The following LPP variants were observed in gnomAD, a reference collection of about 807,000 sequenced individuals.
LPP encodes the protein lipoma-preferred partner.
In LPP, 38 loss-of-function variants were observed where a neutral mutation model predicts 60.4. The ratio of observed to expected loss-of-function variants is 0.63; its 90% CI spans 0.49 to 0.83. The LOEUF (loss-of-function observed/expected upper bound fraction) is 0.83. Among genes scored for constraint, LPP ranks in the 40% least tolerant of loss-of-function variants. The probability of loss-of-function intolerance (pLI) is 0.00; values close to 1 mark genes in which losing one functional copy is unlikely to be tolerated. For synonymous variants in LPP, 328 were observed against 290.8 expected (o/e 1.13, Z -1.30); for missense variants, 902 against 783.6 (o/e 1.15, Z -1.80).
At chr3:188,574,546 G>A (rs1834174980) in intron 6 of LPP, among the ~76,000 whole-genome samples, 1 of 152,092 alleles carries the variant, frequency 6.6e-6, no homozygotes, top group Non-Finnish European at 1.5e-5. Context: ...ATCTCTTCCT[G>A]CCTCAGCATT....
At chr3:188,588,127 C>T (rs1040096134) in intron 6 of LPP, among the ~76,000 whole-genome samples, 8 of 152,134 alleles carry the variant, frequency 5.3e-5, no homozygotes, top group African/African-American at 1.9e-4. Flanking sequence ...AACTGAGATC[C>T]TATGTGGATA....
intron 8 of LPP, among the ~76,000 whole-genome samples, chr3:188,755,709 CT>C (rs1310190555): frequency 2.7e-5 from 4 of 150,854 alleles, no homozygotes; most frequent in African/African-American, 9.7e-5. Flanking sequence ...GTGGCAAGGG[CT>C]GAGGGAGGAG....
intron 9 of LPP, among the ~76,000 whole-genome samples, chr3:188,855,706 C>T (rs1042669276): frequency 6.6e-6 from 1 of 152,182 alleles, no homozygotes; most frequent in Non-Finnish European, 1.5e-5. Flanking sequence ...AAGAACCATG[C>T]CCTATTGAAG....
chr3:188,762,764 A>G lies in LPP; in HGVS notation c.1410+2482A>G, dbSNP rs191502920. On this transcript the variant is annotated intron_variant, in intron 9 of 11. Transcript: ENST00000617246. ...GTGAATTCAAATAATGGAAATTCTA[A>G]CCATTTTTTTTTTTTTACTTCTTTC... Among the ~76,000 whole-genome samples, 235 of 138,822 alleles carry G rather than the reference A, an allele frequency of 1.7e-3. 1 individual carries two copies. The highest frequency in any genetic ancestry group is 5.6e-3 in the African/African-American group (217 of 38,432). The allele number at this position is 138,822 out of a possible 152,430, so 91.1% of individuals were successfully genotyped here.
intron 9 of LPP, among the ~76,000 whole-genome samples, chr3:188,839,566 C>T (rs1016292952): frequency 1.3e-5 from 2 of 152,116 alleles, no homozygotes; most frequent in Non-Finnish European, 2.9e-5. Context: ...CAGACAGGCC[C>T]GAGTACAAAA....
intron 7 of LPP, among the ~76,000 whole-genome samples, chr3:188,629,532 T>C (rs1847473699): frequency 6.6e-6 from 1 of 152,036 alleles, no homozygotes; most frequent in Admixed American, 6.6e-5. Flanking sequence ...AAGATCTCTA[T>C]AATGAGAATT....
chr3:188,759,262 G>C (rs1214961060), intron 8 of LPP: 1 of 152,180 alleles, frequency 6.6e-6, no homozygotes, highest in African/African-American at 2.4e-5. Flanking sequence ...TCCATATGTA[G>C]GCCAGATGCC....
chr3:188,877,078 T>C lies in LPP; in HGVS notation c.*2599T>C, dbSNP rs1263409438. On this transcript the variant is annotated 3_prime_UTR_variant, in exon 12 of 12. Transcript: ENST00000617246. The stretch of plus-strand genomic sequence containing the variant: ...TTAGATTTAGAGTTTTTTTTTTCTT[T>C]CACAAGGTATAATAAGGAAAGGATC... The C allele has an allele frequency of 5.8e-6, 1 of 173,274 alleles. No individual in the cohort carries two copies. Among genetic ancestry groups the C allele is most frequent in the Non-Finnish European group, 1.2e-5 (1 of 80,206 alleles). 10.7% of individuals were successfully genotyped at this position (173,274 alleles called of 1,614,324 possible).
chr3:188,861,711 A>G (rs1227771134), intron 9 of LPP, among the ~76,000 whole-genome samples: 2 of 152,172 alleles, frequency 1.3e-5, no homozygotes, highest in East Asian at 3.9e-4. Context: ...ATACTACCCC[A>G]TTGTATCTCT....
chr3:188,407,788 G>GTTTT lies in LPP; in HGVS notation c.193+1491_193+1494dup, dbSNP rs869082030. On this transcript the variant is annotated intron_variant, in intron 4 of 11. Transcript: ENST00000617246. The stretch of plus-strand genomic sequence containing the variant: ...TTATGGTTTTTTTTTTTGTTTGTTT[G>GTTTT]TTTTTTTTTTTTTTTTTTTGAGATG... 4.9e-4 allele frequency among the ~76,000 whole-genome samples: 53 copies of GTTTT among 107,608 alleles called. 1 individual carries two copies. The highest frequency in any genetic ancestry group is 2.0e-3 in the African/African-American group (50 of 25,224). The allele number at this position is 107,608 out of a possible 152,430, so 70.6% of individuals were successfully genotyped here.
At chr3:188,599,344 C>T (rs1435896556) in intron 6 of LPP, among the ~76,000 whole-genome samples, 1 of 152,018 alleles carries the variant, frequency 6.6e-6, no homozygotes, top group African/African-American at 2.4e-5. Flanking sequence ...TGAGTGCAGG[C>T]CCTCACCTGG....
Position 188,435,156 on chromosome 3 carries a change from T to C in LPP, c.193+28843T>C, listed in dbSNP as rs551129257. On this transcript the variant is annotated intron_variant, in intron 4 of 11. Coordinates refer to ENST00000617246, the MANE Select transcript of LPP (RefSeq NM_001375462.1). ...AGAATGTCTGAATGCTACACTAGTA[T>C]ATAAGGAGGAAGGCTTTGCTGTGGA... Among the ~76,000 whole-genome samples, 7 of 152,298 alleles carry C rather than the reference T, an allele frequency of 4.6e-5. 1 individual carries two copies. Among genetic ancestry groups the C allele is most frequent in the African/African-American group, 1.4e-4 (6 of 41,574 alleles).
rs33985550 is a variant in LPP at position 188,182,714 on chromosome 3, A to ATG, written c.-190+28463_-190+28464insGT. 2.1e-5 allele frequency among the ~76,000 whole-genome samples: 2 copies of ATG among 95,862 alleles called. No homozygotes were observed. The highest frequency in any genetic ancestry group is 2.2e-4 in the Admixed American group (2 of 9,102). 62.9% of individuals were successfully genotyped at this position (95,862 alleles called of 152,430 possible). On this transcript the variant is annotated intron_variant, in intron 1 of 11. Coordinates refer to ENST00000617246, the MANE Select transcript of LPP (RefSeq NM_001375462.1). The surrounding 1 kb of genome is among the most constrained non-coding windows in gnomAD (Gnocchi z 4.4). Reference sequence around the variant, plus strand: ...TTTTTAACCAGCTAAAGAATTGAATATATATATATAACATATGCACATAAT... The same window carrying ATG: ...TTTTTAACCAGCTAAAGAATTGAATATGTATATATATAACATATGCACATAAT...
chr3:188,166,390 T>A (rs1719946924), intron 1 of LPP, among the ~76,000 whole-genome samples: 1 of 152,186 alleles, frequency 6.6e-6, no homozygotes, highest in African/African-American at 2.4e-5. Flanking sequence ...AATAAATTAA[T>A]GCTCACTCAT....
chr3:188,580,484 T>G (rs1835820941), intron 6 of LPP, among the ~76,000 whole-genome samples: 1 of 152,182 alleles, frequency 6.6e-6, no homozygotes, highest in East Asian at 1.9e-4. Context: ...TGACACCTTC[T>G]AAAGGATTCA....
Position 188,732,510 on chromosome 3 carries a change from C to T in LPP, c.1240+24117C>T, listed in dbSNP as rs9290880. On this transcript the variant is annotated intron_variant, in intron 8 of 11. Transcript: ENST00000617246. ...CAGTGGCTCACGCCTGTAATCCCAG[C>T]GCTTTGGGAGGCCGAGGCGGGTCAC... Among the ~76,000 whole-genome samples, 592 of 151,962 alleles carry T rather than the reference C, an allele frequency of 3.9e-3. 5 individuals are homozygous for T. Among genetic ancestry groups the T allele is most frequent in the African/African-American group, 0.014 (575 of 41,478 alleles).
At chr3:188,631,712 G>A (rs1313061258) in intron 7 of LPP, among the ~76,000 whole-genome samples, 2 of 151,990 alleles carry the variant, frequency 1.3e-5, no homozygotes, top group Non-Finnish European at 2.9e-5. Flanking sequence ...GTGACTTCTG[G>A]TCCCACAAAT....
At chr3:188,634,533 C>T (rs748190706) in intron 7 of LPP, among the ~76,000 whole-genome samples, 7 of 152,152 alleles carry the variant, frequency 4.6e-5, no homozygotes, top group East Asian at 1.9e-4. Flanking sequence ...GGCAAGTGGG[C>T]GAAGCTTCAT....
At chr3:188,707,577 A>G (rs1436412748) in intron 7 of LPP, among the ~76,000 whole-genome samples, 1 of 152,094 alleles carries the variant, frequency 6.6e-6, no homozygotes, top group Non-Finnish European at 1.5e-5. Context: ...AAATGAAATT[A>G]CTCAACTTCC....
Sources: gnomAD v4.1 joint callset for allele counts (sites outside exome capture counted in the v4.1 genomes callset) on GRCh38, gnomAD v4.1.1 for gene constraint, Gnocchi (gnomAD v3.1) non-coding constraint, MANE v1.5 for transcripts, NCBI Gene and HGNC (gene_info 2026-07-23, HGNC 2026-07-21) for gene names.